The following AGTR1 variants were observed in gnomAD, a reference collection of about 807,000 sequenced individuals.
The protein encoded by AGTR1 is angiotensin II receptor type 1.
A neutral mutation model predicts 19.4 loss-of-function variants in AGTR1; 16 were observed. The observed-to-expected ratio is 0.82, with a 90% CI of 0.56 to 1.25. The LOEUF is 1.25. Among genes scored for constraint, AGTR1 ranks in the 50% most tolerant of loss-of-function variants. AGTR1 has a pLI of 0.00. For missense variants in AGTR1, 373 were observed against 431.9 expected (o/e 0.86, Z 1.21); for synonymous variants, 153 against 154.9 (o/e 0.99, Z 0.09).
chr3:148,712,949 GGTA>G (rs1293393355), intron 2 of AGTR1, among the ~76,000 whole-genome samples: 2 of 152,188 alleles, frequency 1.3e-5, no homozygotes, highest in African/African-American at 2.4e-5. Flanking sequence ...GGGCAACTGA[GGTA>G]GTAGGAGGCG....
At chr3:148,733,603 T>C (rs559890818) in intron 2 of AGTR1, among the ~76,000 whole-genome samples, 1 of 152,286 alleles carries the variant, frequency 6.6e-6, no homozygotes, top group East Asian at 1.9e-4. Context: ...TAAGCCCATA[T>C]TGGTGCTGCC....
At chr3:148,723,221 A>T (rs530971473) in intron 2 of AGTR1, among the ~76,000 whole-genome samples, 1 of 152,246 alleles carries the variant, frequency 6.6e-6, no homozygotes, top group Admixed American at 6.5e-5. Flanking sequence ...TAGGAAATAC[A>T]TTAGTATCAA....
At chr3:148,713,948 A>G (rs1251453984) in intron 2 of AGTR1, among the ~76,000 whole-genome samples, 1 of 152,208 alleles carries the variant, frequency 6.6e-6, no homozygotes, top group African/African-American at 2.4e-5. Flanking sequence ...TCAGTTTGCA[A>G]CTATCATGAC....
At chr3:148,735,397 A>G (rs1030213945) in intron 2 of AGTR1, among the ~76,000 whole-genome samples, 1 of 152,166 alleles carries the variant, frequency 6.6e-6, no homozygotes, top group African/African-American at 2.4e-5. Flanking sequence ...TCATCCAGGC[A>G]CTCAGTCTTC....
intron 2 of AGTR1, among the ~76,000 whole-genome samples, chr3:148,720,056 A>G (rs1378970133): frequency 6.6e-6 from 1 of 152,240 alleles, no homozygotes; most frequent in Non-Finnish European, 1.5e-5. Context: ...AAATAGATTC[A>G]GTGTCATCTC....
intron 2 of AGTR1, among the ~76,000 whole-genome samples, chr3:148,727,290 A>G (rs1714001618): frequency 6.6e-6 from 1 of 152,142 alleles, no homozygotes; most frequent in South Asian, 2.1e-4. Flanking sequence ...CCTTGATTAC[A>G]TGTTATATTT....
In AGTR1 at chr3:148,742,856, T is replaced by G. The variant is rs1714996685; in HGVS notation, c.*741T>G. 1 of 167,196 alleles carries G rather than the reference T, an allele frequency of 6.0e-6. No individual in the cohort carries two copies. Among genetic ancestry groups the G allele is most frequent in the Non-Finnish European group, 1.5e-5 (1 of 68,250 alleles). 10.4% of individuals were successfully genotyped at this position (167,196 alleles called of 1,614,324 possible). ...TGTATATAGTTTGTGGTAAAAAGAT[T>G]ATATATCATAAAGTATGCCTTCCTG... On this transcript the variant is annotated 3_prime_UTR_variant, in exon 3 of 3. Coordinates refer to ENST00000349243, the MANE Select transcript of AGTR1 (RefSeq NM_000685.5).
chr3:148,720,269 CCA>C (rs757399846), intron 2 of AGTR1, among the ~76,000 whole-genome samples: 1 of 151,334 alleles, frequency 6.6e-6, no homozygotes, highest in African/African-American at 2.4e-5. Context: ...CACACACACA[CCA>C]CACACACACA....
chr3:148,734,922 T>C (rs3772613), intron 2 of AGTR1, among the ~76,000 whole-genome samples: 7,361 of 152,256 alleles, frequency 0.048, 190 homozygotes, highest in African/African-American at 0.062. Flanking sequence ...TCAAATAACA[T>C]GTAGGGCAAC....
At chr3:148,719,237 T>G (rs1713472262) in intron 2 of AGTR1, among the ~76,000 whole-genome samples, 1 of 152,136 alleles carries the variant, frequency 6.6e-6, no homozygotes, top group South Asian at 2.1e-4. Flanking sequence ...TGCCTGCATT[T>G]TAAGGGGAAA....
chr3:148,706,325 C>A (rs578067872), intron 1 of AGTR1, among the ~76,000 whole-genome samples: 2 of 151,976 alleles, frequency 1.3e-5, no homozygotes, highest in Non-Finnish European at 2.9e-5. Context: ...GTTAATAGAT[C>A]CTTCCAATGC....
intron 2 of AGTR1, among the ~76,000 whole-genome samples, chr3:148,728,013 C>T (rs1185660424): frequency 1.3e-5 from 2 of 152,120 alleles, no homozygotes; most frequent in East Asian, 3.9e-4. Context: ...ATACCCCCCA[C>T]ACCTCCCTCT....
chr3:148,731,980 T>C (rs969587578), intron 2 of AGTR1, among the ~76,000 whole-genome samples: 2 of 152,242 alleles, frequency 1.3e-5, no homozygotes, highest in African/African-American at 4.8e-5. Flanking sequence ...TCTCTTGAAG[T>C]TCTCTTATAA....
intron 2 of AGTR1, among the ~76,000 whole-genome samples, chr3:148,726,333 C>T (rs552161853): frequency 3.9e-5 from 6 of 152,136 alleles, no homozygotes; most frequent in African/African-American, 7.2e-5. Flanking sequence ...ATCAGCCTCC[C>T]GAGTAGATGG....
intron 1 of AGTR1, among the ~76,000 whole-genome samples, chr3:148,702,292 A>G (rs1329742687): frequency 6.6e-6 from 1 of 152,090 alleles, no homozygotes; most frequent in Non-Finnish European, 1.5e-5. Context: ...TTGTACTTTT[A>G]AAGAGAATTT....
chr3:148,735,357 A>AC (rs998371172), intron 2 of AGTR1, among the ~76,000 whole-genome samples: 1 of 152,108 alleles, frequency 6.6e-6, no homozygotes, highest in Non-Finnish European at 1.5e-5. Context: ...GGAGTGCTGT[A>AC]CCCCCAAGCT....
Position 148,729,244 on chromosome 3 carries a change from G to C in AGTR1, c.-47-11745G>C, listed in dbSNP as rs12695900. Among the ~76,000 whole-genome samples the C allele has an allele frequency of 6.9e-3, 1,053 of 152,274 alleles. 8 individuals are homozygous for C. Among genetic ancestry groups the C allele is most frequent in the Non-Finnish European group, 0.011 (749 of 68,010 alleles). ...AAGTTAAAAACAAGAGGAGATGATG[G>C]TCTTGGTGTGGCACAGGATGTTAAA... On this transcript the variant is annotated intron_variant, in intron 2 of 2. Coordinates refer to ENST00000349243, the MANE Select transcript of AGTR1 (RefSeq NM_000685.5).
intron 2 of AGTR1, among the ~76,000 whole-genome samples, chr3:148,733,677 GT>G: frequency 6.6e-6 from 1 of 152,140 alleles, no homozygotes; most frequent in Non-Finnish European, 1.5e-5. Context: ...TAAAAATGAT[GT>G]TTCCTCCCCA....
chr3:148,728,885 A>G (rs1445052246), intron 2 of AGTR1, among the ~76,000 whole-genome samples: 1 of 152,354 alleles, frequency 6.6e-6, no homozygotes, highest in East Asian at 1.9e-4. Flanking sequence ...AGTGTTAGAT[A>G]TTTCTATCAC....
Sources: gnomAD v4.1 joint callset for allele counts (sites outside exome capture counted in the v4.1 genomes callset) on GRCh38, gnomAD v4.1.1 for gene constraint, MANE v1.5 for transcripts, NCBI Gene and HGNC (gene_info 2026-07-23, HGNC 2026-07-21) for gene names.